The following SNTB1 variants were observed in gnomAD, a reference collection of about 807,000 sequenced individuals.
The protein encoded by SNTB1 is syntrophin beta 1.
SNTB1 carries 36 observed loss-of-function variants against 48.9 expected under a neutral mutation model. The ratio of observed to expected loss-of-function variants is 0.74; its 90% confidence interval spans 0.56 to 0.97. The LOEUF is 0.97. Ranked by LOEUF, SNTB1 falls within the 50% of genes least tolerant of loss-of-function variation. The probability of loss-of-function intolerance (pLI) is 0.00; values close to 1 mark genes in which losing one functional copy is unlikely to be tolerated. For missense variants in SNTB1, 786 were observed against 703.4 expected (o/e 1.12, Z -1.33); for synonymous variants, 299 against 294.6 (o/e 1.01, Z -0.15).
chr8:120,666,113 G>C (rs1015265669), intron 2 of SNTB1, among the ~76,000 whole-genome samples: 1 of 152,072 alleles, frequency 6.6e-6, no homozygotes, highest in Non-Finnish European at 1.5e-5. Context: ...CAGAGATTTT[G>C]ATTAGTATGG....
intron 1 of SNTB1, among the ~76,000 whole-genome samples, chr8:120,787,829 C>T (rs1819948607): frequency 6.6e-6 from 1 of 152,116 alleles, no homozygotes; most frequent in Admixed American, 6.6e-5. Flanking sequence ...AGGAAAACTT[C>T]CCTGGCCTTG....
intron 1 of SNTB1, among the ~76,000 whole-genome samples, chr8:120,696,476 A>G (rs1029206828): frequency 4.6e-5 from 7 of 152,244 alleles, no homozygotes; most frequent in Non-Finnish European, 8.8e-5. Flanking sequence ...GTATTGAATC[A>G]GGTGCTTTAC....
At chr8:120,720,827 T>G (rs1049748308) in intron 1 of SNTB1, among the ~76,000 whole-genome samples, 4 of 152,172 alleles carry the variant, frequency 2.6e-5, no homozygotes, top group African/African-American at 7.2e-5. Context: ...CATATTTATT[T>G]GGTGAGAAGA....
At chr8:120,760,153 T>C (rs1238643670) in intron 1 of SNTB1, among the ~76,000 whole-genome samples, 1 of 152,204 alleles carries the variant, frequency 6.6e-6, no homozygotes, top group Non-Finnish European at 1.5e-5. Context: ...AAAAATTATT[T>C]AAAATTTTTT....
intron 2 of SNTB1, among the ~76,000 whole-genome samples, chr8:120,688,476 C>T (rs183610952): frequency 1.4e-4 from 21 of 152,128 alleles, no homozygotes; most frequent in African/African-American, 5.1e-4. Context: ...TTCTAGATAT[C>T]TGGGGTAATA....
chr8:120,653,117 T>C (rs753209234), intron 2 of SNTB1, among the ~76,000 whole-genome samples: 1 of 152,178 alleles, frequency 6.6e-6, no homozygotes, highest in Non-Finnish European at 1.5e-5. Flanking sequence ...TGCAGTGCAT[T>C]GAATAGTATC....
At chr8:120,652,816 T>C (rs1481059675) in intron 2 of SNTB1, among the ~76,000 whole-genome samples, 2 of 152,208 alleles carry the variant, frequency 1.3e-5, no homozygotes, top group Non-Finnish European at 2.9e-5. Flanking sequence ...TTTAAGACTT[T>C]CTGTTGACTC....
intron 3 of SNTB1, among the ~76,000 whole-genome samples, chr8:120,618,039 C>A (rs181534693): frequency 6.6e-6 from 1 of 152,084 alleles, no homozygotes; most frequent in Admixed American, 6.6e-5. Context: ...TATTCTTAAA[C>A]GAGGCCATGC....
At chr8:120,723,712 T>G (rs564247027) in intron 1 of SNTB1, among the ~76,000 whole-genome samples, 25 of 152,316 alleles carry the variant, frequency 1.6e-4, no homozygotes, top group Non-Finnish European at 2.6e-4. Flanking sequence ...CTGGGCATAC[T>G]TGACCTCTCT....
chr8:120,702,742 A>G (rs964331038), intron 1 of SNTB1, among the ~76,000 whole-genome samples: 33 of 152,238 alleles, frequency 2.2e-4, no homozygotes, highest in African/African-American at 8.0e-4. Flanking sequence ...TAGTAAAACC[A>G]TAAGGTCCTC....
chr8:120,589,604 C>T (rs1202693238), intron 3 of SNTB1, among the ~76,000 whole-genome samples: 1 of 152,148 alleles, frequency 6.6e-6, no homozygotes, highest in Non-Finnish European at 1.5e-5. Flanking sequence ...ACTGGGAGAC[C>T]TGCTGTCTGG....
intron 3 of SNTB1, among the ~76,000 whole-genome samples, chr8:120,586,887 G>A (rs921897340): frequency 2.0e-5 from 3 of 152,140 alleles, no homozygotes; most frequent in Admixed American, 6.5e-5. Context: ...GAAACTGGAG[G>A]TTCATTATTG....
At chr8:120,624,526 A>G (rs1816845127) in intron 3 of SNTB1, among the ~76,000 whole-genome samples, 1 of 152,204 alleles carries the variant, frequency 6.6e-6, no homozygotes, top group South Asian at 2.1e-4. Flanking sequence ...GGTCCCATCA[A>G]TGGAACTCTG....
At chr8:120,686,592 G>C (rs1818038254) in intron 2 of SNTB1, among the ~76,000 whole-genome samples, 1 of 151,914 alleles carries the variant, frequency 6.6e-6, no homozygotes. Flanking sequence ...TGTGAATTTG[G>C]GGGGTGGGGG....
At chr8:120,811,149 C>G in intron 1 of SNTB1, 124 bp downstream of exon 1, 1 of 1,302,152 alleles carries the variant, frequency 7.7e-7, no homozygotes. Context: ...CCCCAACACA[C>G]ACACACCCGG....
At chr8:120,589,813 C>T (rs1378800227) in intron 3 of SNTB1, among the ~76,000 whole-genome samples, 1 of 152,180 alleles carries the variant, frequency 6.6e-6, no homozygotes, top group Non-Finnish European at 1.5e-5. Context: ...TGAGGCCCTG[C>T]TTCCAAATAT....
intron 3 of SNTB1, among the ~76,000 whole-genome samples, chr8:120,581,100 A>AAAG (rs1179221120): frequency 3.9e-4 from 59 of 150,802 alleles, no homozygotes; most frequent in African/African-American, 1.1e-3. Flanking sequence ...AAAAAAAAAA[A>AAAG]AAAAAAAGAG....
chr8:120,700,964 A>G (rs1407520149), intron 1 of SNTB1, among the ~76,000 whole-genome samples: 1 of 152,218 alleles, frequency 6.6e-6, no homozygotes, highest in East Asian at 1.9e-4. Context: ...GCTTTAGAGG[A>G]TGTAAACACA....
chr8:120,633,031 C>T (rs1447942252), intron 2 of SNTB1, among the ~76,000 whole-genome samples: 7 of 152,224 alleles, frequency 4.6e-5, no homozygotes, highest in East Asian at 3.8e-4. Context: ...TATACTCACA[C>T]ATCCTTGCTG....
Sources: gnomAD v4.1 joint callset for allele counts (sites outside exome capture counted in the v4.1 genomes callset) on GRCh38, gnomAD v4.1.1 for gene constraint, MANE v1.5 for transcripts, NCBI Gene and HGNC (gene_info 2026-07-23, HGNC 2026-07-21) for gene names.